The following PAPPA variants were observed in gnomAD, a reference collection of about 807,000 sequenced individuals.
PAPPA encodes pappalysin-1.
Under a neutral mutation model 164.0 loss-of-function variants are expected in PAPPA, and 60 were observed. That is an observed-to-expected ratio of 0.37 (90% CI 0.30 to 0.45). The LOEUF is 0.45. Ranked by LOEUF, PAPPA falls within the 20% of genes least tolerant of loss-of-function variation. The pLI, the probability that PAPPA is intolerant of heterozygous loss-of-function variation, is 1.00. For missense variants in PAPPA, 1,782 were observed against 2,087.3 expected (o/e 0.85, Z 2.85); for synonymous variants, 875 against 814.1 (o/e 1.07, Z -1.27).
intron 12 of PAPPA, chr9:116,332,875 G>A (rs111239073): frequency 2.3e-4 from 38 of 166,048 alleles, no homozygotes; most frequent in Middle Eastern, 3.0e-3. Flanking sequence ...GATTTTCAGC[G>A]TCATAGCCTA....
chr9:116,187,402 G>A lies in PAPPA; in HGVS notation c.664G>A (p.Glu222Lys). 1 of 1,614,028 alleles carries A rather than the reference G, an allele frequency of 6.2e-7. No individual in the cohort carries two copies. The highest frequency in any genetic ancestry group is 8.5e-7 in the Non-Finnish European group (1 of 1,180,018). The change falls in exon 2 of 22, where the codon GAA (glutamate) becomes AAA (lysine). Residue 222 changes from glutamate (E) to lysine (K), a missense_variant. Transcript: ENST00000328252. This position sits in a 1 kb window ranked among gnomAD's most constrained non-coding sequence, Gnocchi z 4.2. The part of the protein sequence containing the change: ...VNGAQVATSG[E>K]QVGGIFSPLT... ...TGGTGCCCAGGTGGCCACCTCTGGG[G>A]AACAAGTGGGTGGCATATTCAGCCC...
At chr9:116,227,691 T>A in intron 6 of PAPPA, 139 bp downstream of exon 6, 1 of 895,690 alleles carries the variant, frequency 1.1e-6, no homozygotes, top group Non-Finnish European at 1.7e-6. Flanking sequence ...GCAAGGTTAG[T>A]AGTCAAGCGC....
intron 21 of PAPPA, among the ~76,000 whole-genome samples, chr9:116,388,933 C>T (rs1249185508): frequency 6.6e-6 from 1 of 152,142 alleles, no homozygotes; most frequent in East Asian, 1.9e-4. Context: ...TTATACCCAA[C>T]ATGTAGCACA....
intron 1 of PAPPA, among the ~76,000 whole-genome samples, chr9:116,161,906 C>G (rs142039491): frequency 6.6e-6 from 1 of 152,130 alleles, no homozygotes; most frequent in Non-Finnish European, 1.5e-5. Flanking sequence ...AGTGAAGTCT[C>G]AGTTCCCTGC....
intron 7 of PAPPA, among the ~76,000 whole-genome samples, chr9:116,254,993 T>C (rs1451189061): frequency 6.6e-6 from 1 of 151,892 alleles, no homozygotes; most frequent in Non-Finnish European, 1.5e-5. Context: ...TCCCAGTCTT[T>C]TTTTAAAAGT....
intron 7 of PAPPA, among the ~76,000 whole-genome samples, chr9:116,240,218 A>G (rs1844719616): frequency 6.6e-6 from 1 of 152,224 alleles, no homozygotes; most frequent in Non-Finnish European, 1.5e-5. Context: ...ATTAGGTGCT[A>G]TGCACTATTT....
At chr9:116,310,724 C>T (rs1237314375) in intron 10 of PAPPA, among the ~76,000 whole-genome samples, 2 of 152,090 alleles carry the variant, frequency 1.3e-5, no homozygotes, top group Non-Finnish European at 2.9e-5. Flanking sequence ...CACTCTGGCC[C>T]TAGGATTTGG....
At position 116,377,577 on chromosome 9, in the gene PAPPA, G is replaced by A. The variant is rs140578244; in HGVS notation, c.4607G>A (p.Arg1536Lys). The A allele has an allele frequency of 1.2e-6, 2 of 1,612,594 alleles. No homozygotes were observed. Among genetic ancestry groups the A allele is most frequent in the African/African-American group, 1.3e-5 (1 of 74,868 alleles). The change falls in exon 20 of 22, where the codon AGA becomes AAA. Residue 1536 changes from arginine (R) to lysine (K), a missense_variant and splice_region_variant. By Grantham distance (26) the Arg-to-Lys change is conservative. Transcript: ENST00000328252. ...PHWLNPTRVE[R>K]VVCTAGLKWY... ...ACCTTTCTCTCCCTCTTCCCACAGAGAGTTGTCTGCACTGCTGGTCTCAAG... is the reference window on the plus strand; with the variant it reads ...ACCTTTCTCTCCCTCTTCCCACAGAAAGTTGTCTGCACTGCTGGTCTCAAG...
At chr9:116,280,384 G>A (rs1845251803) in intron 9 of PAPPA, among the ~76,000 whole-genome samples, 1 of 152,174 alleles carries the variant, frequency 6.6e-6, no homozygotes, top group African/African-American at 2.4e-5. Flanking sequence ...CATTTAAGCT[G>A]AGACTTGAGG....
chr9:116,323,900 C>G (rs1845890449), intron 10 of PAPPA, among the ~76,000 whole-genome samples: 1 of 152,126 alleles, frequency 6.6e-6, no homozygotes, highest in South Asian at 2.1e-4. Flanking sequence ...GAGTGAAGGT[C>G]AGAAAAAGTG....
chr9:116,192,661 TA>T (rs1321910240), intron 2 of PAPPA, among the ~76,000 whole-genome samples: 5 of 152,198 alleles, frequency 3.3e-5, no homozygotes, highest in African/African-American at 1.2e-4. Flanking sequence ...GTGTGAGCAG[TA>T]AATGCCTTTC....
At chr9:116,343,594 A>G (rs1230882874) in intron 13 of PAPPA, among the ~76,000 whole-genome samples, 6 of 152,174 alleles carry the variant, frequency 3.9e-5, no homozygotes, top group Non-Finnish European at 8.8e-5. Context: ...AGTTTATAAA[A>G]GACTTCTACC....
chr9:116,261,301 G>T (rs1304833841), intron 7 of PAPPA, among the ~76,000 whole-genome samples: 5 of 152,124 alleles, frequency 3.3e-5, no homozygotes, highest in African/African-American at 1.2e-4. Flanking sequence ...AATGATAAAC[G>T]AATGCTATGA....
intron 9 of PAPPA, chr9:116,287,733 A>C (rs1008577257): frequency 6.6e-6 from 1 of 152,214 alleles, no homozygotes; most frequent in South Asian, 2.1e-4. Context: ...TCATACCTAC[A>C]TGATTATTGC....
At position 116,181,354 on chromosome 9, in the gene PAPPA, T is replaced by TTC. The variant is rs1364137564; in HGVS notation, c.416-5787_416-5786dup. Among the ~76,000 whole-genome samples the TTC allele has an allele frequency of 4.0e-5, 6 of 148,656 alleles. No homozygotes were observed. In the South Asian group the frequency reaches 8.4e-4, roughly 21 times the overall value. ...TCTCTCTCTCTTTCTCTCTCTCTCT[T>TTC]TCTCTCTCTCTCTCACTGGTTTCCA... On this transcript the variant is annotated intron_variant, in intron 1 of 21. Coordinates refer to ENST00000328252, the MANE Select transcript of PAPPA (RefSeq NM_002581.5).
chr9:116,271,124 G>A lies in PAPPA; in HGVS notation c.2862-201G>A, dbSNP rs1845130309. Among the ~76,000 whole-genome samples the A allele has an allele frequency of 5.3e-5, 8 of 152,198 alleles. No individual in the cohort carries two copies. The highest frequency in any genetic ancestry group is 5.2e-4 in the Admixed American group (8 of 15,280). On this transcript the variant is annotated intron_variant, in intron 8 of 21. Coordinates refer to ENST00000328252, the MANE Select transcript of PAPPA (RefSeq NM_002581.5). This position sits in a 1 kb window ranked among gnomAD's most constrained non-coding sequence, Gnocchi z 4.2. ...TCTACTTTGTCATCAGAAACACAAA[G>A]CAAGGCAAATGTGAAAGTATCTTAT...
At chr9:116,384,837 A>AAAT (rs1846785083) in intron 21 of PAPPA, among the ~76,000 whole-genome samples, 1 of 152,160 alleles carries the variant, frequency 6.6e-6, no homozygotes, top group Non-Finnish European at 1.5e-5. Context: ...TTTGTATTTG[A>AAAT]AATAGAAGTT....
rs1051821672 is a variant in PAPPA, at chr9:116,399,138, A to T, written c.*2522A>T. ...TCAAATCAGTCCTTATCCTCTTTCT[A>T]TCTTCACTCCCATCATCATCTATTT... On this transcript the variant is annotated 3_prime_UTR_variant, in exon 22 of 22. Transcript: ENST00000328252. 2 of 157,702 alleles carry T rather than the reference A, an allele frequency of 1.3e-5. No individual in the cohort carries two copies. Among genetic ancestry groups the T allele is most frequent in the South Asian group, 1.9e-4 (1 of 5,224 alleles). The allele number at this position is 157,702 out of a possible 1,614,324, so 9.8% of individuals were successfully genotyped here.
chr9:116,154,477 G>A lies in PAPPA; in HGVS notation c.305G>A (p.Arg102Gln). 3 of 1,303,222 alleles carry A rather than the reference G, an allele frequency of 2.3e-6. No homozygotes were observed. The highest frequency in any genetic ancestry group is 2.9e-6 in the Non-Finnish European group (3 of 1,024,530). 80.7% of individuals were successfully genotyped at this position (1,303,222 alleles called of 1,614,324 possible). A position where few individuals can be genotyped will look rare whatever the true frequency, so the allele number is the denominator to read the frequency against. Residue 102 changes from arginine to glutamine, a missense_variant, in exon 1 of 22, where the codon CGA becomes CAA. Arg to Gln is a conservative substitution (Grantham distance 43). Coordinates refer to ENST00000328252, the MANE Select transcript of PAPPA (RefSeq NM_002581.5). The surrounding 1 kb of genome is among the most constrained non-coding windows in gnomAD (Gnocchi z 5.2). Reference protein sequence around the residue: ...PPSRALYFSGRGEQLRLRADL... With the variant: ...PPSRALYFSGQGEQLRLRADL... Reference sequence around the variant, plus strand: ...AGCCGGGCGCTCTATTTCAGCGGGCGAGGCGAGCAGCTGCGCCTCCGGGCC... The same window carrying A: ...AGCCGGGCGCTCTATTTCAGCGGGCAAGGCGAGCAGCTGCGCCTCCGGGCC...
Sources: allele counts gnomAD v4.1 joint callset (sites outside exome capture counted in the v4.1 genomes callset), GRCh38; gene constraint gnomAD v4.1.1; non-coding constraint Gnocchi (gnomAD v3.1); transcripts MANE v1.5; gene names NCBI Gene and HGNC (gene_info 2026-07-23, HGNC 2026-07-21).